CLSTN1: variants seen among roughly 807,000 people sequenced by gnomAD.
CLSTN1 encodes calsyntenin 1.
In CLSTN1, 28 loss-of-function variants were observed where a neutral mutation model predicts 108.3. The ratio of observed to expected loss-of-function variants is 0.26; its 90% CI spans 0.19 to 0.35. The LOEUF (loss-of-function observed/expected upper bound fraction) is 0.35, where lower values mean the gene tolerates loss of function less well. Among genes scored for constraint, CLSTN1 ranks in the 10% least tolerant of loss-of-function variants. The pLI is 1.00. For synonymous variants in CLSTN1, 524 were observed against 534.9 expected (o/e 0.98, Z 0.28); for missense variants, 1,157 against 1,302.6 (o/e 0.89, Z 1.72).
chr1:9,747,653 C>T (rs1283084197), intron 7 of CLSTN1, among the ~76,000 whole-genome samples: 7 of 151,990 alleles, frequency 4.6e-5, no homozygotes, highest in African/African-American at 1.2e-4. Context: ...CCTCGCACCA[C>T]GCCTGGCTAA....
intron 1 of CLSTN1, among the ~76,000 whole-genome samples, chr1:9,798,941 G>A (rs1654132480): frequency 6.6e-6 from 1 of 152,180 alleles, no homozygotes; most frequent in Non-Finnish European, 1.5e-5. Flanking sequence ...CACACTTTGG[G>A]AGGGCGGGGC....
intron 1 of CLSTN1, among the ~76,000 whole-genome samples, chr1:9,795,946 C>A (rs961914017): frequency 8.2e-6 from 1 of 121,768 alleles, no homozygotes; most frequent in Non-Finnish European, 1.7e-5. Context: ...CAGAACAAGA[C>A]CCTGTCCCCA....
chr1:9,762,650 CGTT>C (rs1054965351), intron 2 of CLSTN1, among the ~76,000 whole-genome samples: 12 of 135,184 alleles, frequency 8.9e-5, no homozygotes, highest in African/African-American at 3.4e-4. Context: ...CTGTCCCTGA[CGTT>C]GGGTGACCTC....
chr1:9,799,144 G>A (rs572387581), intron 1 of CLSTN1, among the ~76,000 whole-genome samples: 1 of 152,208 alleles, frequency 6.6e-6, no homozygotes, highest in East Asian at 1.9e-4. Context: ...TCGTGCCACT[G>A]AACTCCAGCC....
intron 1 of CLSTN1, among the ~76,000 whole-genome samples, chr1:9,799,770 G>A (rs372076963): frequency 6.6e-5 from 10 of 151,822 alleles, no homozygotes; most frequent in South Asian, 2.1e-4. Flanking sequence ...GTGAAAACCC[G>A]TCTCTACTAA....
intron 1 of CLSTN1, among the ~76,000 whole-genome samples, chr1:9,819,259 T>A (rs896957674): frequency 1.3e-5 from 2 of 152,110 alleles, no homozygotes; most frequent in Non-Finnish European, 2.9e-5. Context: ...CCCAAAAAAA[T>A]TAAAAAACAT....
chr1:9,730,297 C>G lies in CLSTN1; in HGVS notation c.*211G>C. On this transcript the variant is annotated 3_prime_UTR_variant, in exon 19 of 19. Coordinates refer to ENST00000377298, the MANE Select transcript of CLSTN1 (RefSeq NM_001009566.3). This position sits in a 1 kb window ranked among gnomAD's most constrained non-coding sequence, Gnocchi z 5.6. ...CGGATGGCGGCCAGAGAGGACGTGT[C>G]AGCTCCTCGTGGGACTGAAGAGCGC... is the stretch of plus-strand genomic sequence containing the variant. The G allele has an allele frequency of 1.7e-6, 1 of 605,524 alleles. No homozygotes were observed. Among genetic ancestry groups the G allele is most frequent in the Admixed American group, 2.9e-5 (1 of 34,710 alleles). 37.5% of individuals were successfully genotyped at this position (605,524 alleles called of 1,614,324 possible).
At chr1:9,732,010 C>T (rs987662819) in intron 16 of CLSTN1, 114 bp from the exon 17 acceptor site, 32 of 1,225,168 alleles carry the variant, frequency 2.6e-5, no homozygotes, top group South Asian at 7.3e-5. Context: ...GCTCCTGGAC[C>T]GCAGCTGGGG....
intron 1 of CLSTN1, among the ~76,000 whole-genome samples, chr1:9,805,407 G>T (rs945500444): frequency 2.0e-5 from 3 of 152,140 alleles, no homozygotes; most frequent in Non-Finnish European, 2.9e-5. Context: ...AACTATATCT[G>T]TGTGAAGCTC....
chr1:9,770,041 A>G (rs1652594664), intron 2 of CLSTN1, among the ~76,000 whole-genome samples: 1 of 152,110 alleles, frequency 6.6e-6, no homozygotes, highest in Non-Finnish European at 1.5e-5. Flanking sequence ...AAAAAAAAAA[A>G]AAAGGGTGAT....
intron 3 of CLSTN1, 95 bp downstream of exon 3, chr1:9,756,386 T>C (rs1217498865): frequency 9.6e-6 from 9 of 940,326 alleles, no homozygotes; most frequent in Admixed American, 6.0e-5. Flanking sequence ...TAAAAGAGCA[T>C]GACAGTTTCT....
In CLSTN1 at chr1:9,741,106, C is replaced by A. The variant is rs1316185271; in HGVS notation, c.1507G>T (p.Ala503Ser). The A allele has an allele frequency of 1.2e-6, 2 of 1,613,184 alleles. No homozygotes were observed. Among genetic ancestry groups the A allele is most frequent in the Non-Finnish European group, 8.5e-7 (1 of 1,179,428 alleles). The change falls in exon 10 of 19, where the codon GCT becomes TCT. Residue 503 changes from alanine (A) to serine (S), a missense_variant. Ala to Ser is a moderately conservative substitution (Grantham distance 99). Transcript: ENST00000377298. Reference protein sequence around the residue: ...SKIETQLVVGACWQEFSGVEN... With the variant: ...SKIETQLVVGSCWQEFSGVEN... ...TAATGACAGGTACCTTGCCAGCAAG[C>A]CCCCACCACGAGCTGAGTTTCTATC... is the stretch of plus-strand genomic sequence containing the variant.
chr1:9,747,947 G>A (rs1407730340), intron 7 of CLSTN1, among the ~76,000 whole-genome samples: 3 of 151,904 alleles, frequency 2.0e-5, no homozygotes, highest in Non-Finnish European at 2.9e-5. Context: ...GGGAGGCTGA[G>A]GCGGGAGAAT....
At chr1:9,752,959 GAGAAAAGACTAGAGCTCT>G (rs1296873916) in intron 4 of CLSTN1, among the ~76,000 whole-genome samples, 1 of 152,290 alleles carries the variant, frequency 6.6e-6, no homozygotes, top group East Asian at 1.9e-4. Context: ...GCAAGTGGTG[GAGAAAAGACTAGAGCTCT>G]AGAAAAGACT....
intron 8 of CLSTN1, 73 bp downstream of exon 8, chr1:9,744,322 G>A (rs1272508479): frequency 2.0e-6 from 3 of 1,532,324 alleles, no homozygotes; most frequent in Admixed American, 1.9e-5. Flanking sequence ...TGGGAAAGGA[G>A]AGGGAGCCTG....
At chr1:9,756,386 T>G in intron 3 of CLSTN1, 95 bp downstream of exon 3, 1 of 940,444 alleles carries the variant, frequency 1.1e-6, no homozygotes, top group African/African-American at 1.6e-5. Context: ...TAAAAGAGCA[T>G]GACAGTTTCT....
chr1:9,778,223 AACACACACACAC>A (rs57372437), intron 1 of CLSTN1, among the ~76,000 whole-genome samples: 94 of 134,500 alleles, frequency 7.0e-4, no homozygotes, highest in South Asian at 1.5e-3. Flanking sequence ...TCTCCTCCCC[AACACACACACAC>A]ACACACACAC....
rs1655249729 is a variant in CLSTN1, at chr1:9,823,086, T to C, written c.91+557A>G. Among the ~76,000 whole-genome samples, 1 of 152,166 alleles carries C rather than the reference T, an allele frequency of 6.6e-6. No homozygotes were observed. On this transcript the variant is annotated intron_variant, in intron 1 of 18. Transcript: ENST00000377298. This position sits in a 1 kb window ranked among gnomAD's most constrained non-coding sequence, Gnocchi z 6.3. Reference sequence around the variant, plus strand: ...TGGGAGGAGGCGGAAAGGGGCGAAGTCGTGGTGTCCGCGGTGCAGCAACAC... The same window carrying C: ...TGGGAGGAGGCGGAAAGGGGCGAAGCCGTGGTGTCCGCGGTGCAGCAACAC...
chr1:9,761,217 G>T (rs1209508299), intron 2 of CLSTN1, among the ~76,000 whole-genome samples: 2 of 152,294 alleles, frequency 1.3e-5, no homozygotes, highest in South Asian at 2.1e-4. Flanking sequence ...TGAGGAGCAG[G>T]CCTGGTAGGT....
Sources: allele counts gnomAD v4.1 joint callset (sites outside exome capture counted in the v4.1 genomes callset), GRCh38; gene constraint gnomAD v4.1.1; non-coding constraint Gnocchi (gnomAD v3.1); transcripts MANE v1.5; gene names NCBI Gene and HGNC (gene_info 2026-07-23, HGNC 2026-07-21).